PIP5K1B: variants seen among roughly 807,000 people sequenced by gnomAD.
PIP5K1B encodes phosphatidylinositol 4-phosphate 5-kinase type-1 beta.
A neutral mutation model predicts 67.0 loss-of-function variants in PIP5K1B; 42 were observed. The observed-to-expected ratio is 0.63, with a 90% CI of 0.49 to 0.81. The LOEUF (loss-of-function observed/expected upper bound fraction) is 0.81. PIP5K1B is among the 30% of genes least tolerant of loss of function. The probability of loss-of-function intolerance (pLI) is 0.00; values close to 1 mark genes in which losing one functional copy is unlikely to be tolerated. For synonymous variants in PIP5K1B, 214 were observed against 231.4 expected, an observed-to-expected ratio of 0.92 and a Z score of 0.68; for missense variants, 459 against 646.3, an observed-to-expected ratio of 0.71 and a Z score of 3.14.
chr9:68,924,401 C>CGAAAAAAAAAAAAA (rs1341716504), intron 12 of PIP5K1B, among the ~76,000 whole-genome samples: 45 of 86,742 alleles, frequency 5.2e-4, no homozygotes, highest in Non-Finnish European at 7.2e-4. Context: ...CACTGCGCCT[C>CGAAAAAAAAAAAAA]AAAAAAAAAA....
At chr9:68,944,909 C>T (rs979905076) in intron 14 of PIP5K1B, among the ~76,000 whole-genome samples, 11 of 152,134 alleles carry the variant, frequency 7.2e-5, no homozygotes, top group Admixed American at 1.3e-4. Context: ...ATGGTATATC[C>T]GAGCGTGTTA....
intron 4 of PIP5K1B, among the ~76,000 whole-genome samples, chr9:68,859,924 A>G (rs568139702): frequency 6.6e-6 from 1 of 152,172 alleles, no homozygotes; most frequent in Non-Finnish European, 1.5e-5. Flanking sequence ...TTAATTGACA[A>G]GTAAAAATTA....
At chr9:68,906,729 T>C (rs1226196185) in intron 8 of PIP5K1B, among the ~76,000 whole-genome samples, 3 of 152,182 alleles carry the variant, frequency 2.0e-5, no homozygotes, top group Non-Finnish European at 4.4e-5. Context: ...AAGACCTCAT[T>C]TGTAAACTTT....
At chr9:68,983,421 G>A (rs1235262783) in intron 14 of PIP5K1B, among the ~76,000 whole-genome samples, 1 of 152,040 alleles carries the variant, frequency 6.6e-6, no homozygotes, top group African/African-American at 2.4e-5. Flanking sequence ...TTTGGAGTTG[G>A]CTTCTGCTAC....
intron 12 of PIP5K1B, among the ~76,000 whole-genome samples, chr9:68,929,782 G>A (rs1347843919): frequency 6.6e-6 from 1 of 152,124 alleles, no homozygotes; most frequent in Non-Finnish European, 1.5e-5. Flanking sequence ...TGATTCTCCT[G>A]CCTCAGCCTC....
intron 2 of PIP5K1B, among the ~76,000 whole-genome samples, chr9:68,796,812 C>T (rs948429176): frequency 2.0e-5 from 3 of 152,142 alleles, no homozygotes; most frequent in Admixed American, 6.5e-5. Flanking sequence ...CCACCGTTTC[C>T]GTCTTTCATA....
intron 14 of PIP5K1B, among the ~76,000 whole-genome samples, chr9:68,977,367 T>TA (rs1829679190): frequency 6.6e-6 from 1 of 151,966 alleles, no homozygotes; most frequent in Non-Finnish European, 1.5e-5. Context: ...ACTAAAAATA[T>TA]AAAAAATTAG....
intron 6 of PIP5K1B, among the ~76,000 whole-genome samples, chr9:68,878,457 G>C (rs1185398591): frequency 6.6e-6 from 1 of 152,124 alleles, no homozygotes; most frequent in Admixed American, 6.6e-5. Flanking sequence ...CTTTAAGCTG[G>C]AAAAATTATT....
intron 14 of PIP5K1B, among the ~76,000 whole-genome samples, chr9:68,954,615 T>TGA (rs1431630836): frequency 6.6e-6 from 1 of 152,244 alleles, no homozygotes; most frequent in East Asian, 1.9e-4. Context: ...TATCTTAGCT[T>TGA]TGATTGGTAT....
At chr9:68,931,062 A>G (rs1415091845) in intron 12 of PIP5K1B, among the ~76,000 whole-genome samples, 1 of 152,086 alleles carries the variant, frequency 6.6e-6, no homozygotes. Context: ...CCTGGTCTTC[A>G]AGTTTCTTTT....
intron 14 of PIP5K1B, among the ~76,000 whole-genome samples, chr9:68,960,315 G>C (rs1383414310): frequency 6.6e-6 from 1 of 152,156 alleles, no homozygotes; most frequent in Non-Finnish European, 1.5e-5. Flanking sequence ...GTTTAAAGAT[G>C]TCTTTTTCTT....
intron 4 of PIP5K1B, among the ~76,000 whole-genome samples, chr9:68,863,381 A>G (rs1225764488): frequency 6.6e-6 from 1 of 152,170 alleles, no homozygotes; most frequent in Non-Finnish European, 1.5e-5. Context: ...TATGTTGGTT[A>G]AAACTATATA....
intron 15 of PIP5K1B, among the ~76,000 whole-genome samples, chr9:69,001,221 C>T (rs1477568488): frequency 1.3e-5 from 2 of 151,998 alleles, no homozygotes; most frequent in East Asian, 3.9e-4. Context: ...TGTGCAGCTT[C>T]TAATTTCCAC....
At chr9:68,745,393 C>G (rs1240501939) in intron 2 of PIP5K1B, among the ~76,000 whole-genome samples, 1 of 152,178 alleles carries the variant, frequency 6.6e-6, no homozygotes, top group Admixed American at 6.5e-5. Context: ...AGGTTTTGGG[C>G]TATGTTCTTT....
At chr9:68,972,047 A>C (rs571522056) in intron 14 of PIP5K1B, among the ~76,000 whole-genome samples, 2 of 152,272 alleles carry the variant, frequency 1.3e-5, no homozygotes, top group Admixed American at 6.5e-5. Context: ...TGTTTTAGTC[A>C]TTAAGTCTTT....
intron 1 of PIP5K1B, among the ~76,000 whole-genome samples, chr9:68,726,776 T>A (rs955966981): frequency 6.6e-6 from 1 of 152,218 alleles, no homozygotes; most frequent in East Asian, 1.9e-4. Context: ...AGAGTTTCCG[T>A]TGCTTCAACT....
chr9:68,948,472 A>G (rs147470648), intron 14 of PIP5K1B, among the ~76,000 whole-genome samples: 1 of 152,210 alleles, frequency 6.6e-6, no homozygotes, highest in East Asian at 1.9e-4. Flanking sequence ...TTCTACAACA[A>G]CAACAGCAAC....
intron 2 of PIP5K1B, chr9:68,786,014 A>G (rs1167584392): frequency 6.6e-6 from 1 of 152,188 alleles, no homozygotes; most frequent in Non-Finnish European, 1.5e-5. Context: ...TCTTCTTTTT[A>G]TAGGTGATAG....
Position 68,886,578 on chromosome 9 carries a change from G to C in PIP5K1B, c.319-2403G>C, listed in dbSNP as rs1167641461. On this transcript the variant is annotated intron_variant, in intron 6 of 15. Coordinates refer to ENST00000265382, the MANE Select transcript of PIP5K1B (RefSeq NM_003558.4). ...CTGCAACTCGAGGAAAAGGAAACAG[G>C]CAATTGCAGGATTTTGTGGTGACTT... Among the ~76,000 whole-genome samples the C allele has an allele frequency of 3.3e-5, 5 of 152,316 alleles. No individual in the cohort carries two copies. The East Asian group carries it at 7.7e-4, about 24-fold the overall frequency.
Sources: allele counts gnomAD v4.1 joint callset (sites outside exome capture counted in the v4.1 genomes callset), GRCh38; gene constraint gnomAD v4.1.1; transcripts MANE v1.5; gene names NCBI Gene and HGNC (gene_info 2026-07-23, HGNC 2026-07-21).